Variants in SFMBT1 observed in about 807,000 individuals in gnomAD.
SFMBT1 encodes scm-like with four MBT domains protein 1.
A neutral mutation model predicts 108.7 loss-of-function variants in SFMBT1; 32 were observed. The observed-to-expected ratio is 0.29, with a 90% confidence interval of 0.22 to 0.40. The LOEUF (loss-of-function observed/expected upper bound fraction) is 0.40, where lower values mean the gene tolerates loss of function less well. SFMBT1 is among the 10% of genes least tolerant of loss of function. The pLI, the probability that SFMBT1 is intolerant of heterozygous loss-of-function variation, is 1.00. For missense variants in SFMBT1, 816 were observed against 1,059.6 expected, an observed-to-expected ratio of 0.77 and a Z score of 3.19; for synonymous variants, 348 against 369.5, an observed-to-expected ratio of 0.94 and a Z score of 0.67.
At chr3:52,928,655 C>T (rs13082017) in intron 8 of SFMBT1, among the ~76,000 whole-genome samples, 3,418 of 26,616 alleles carry the variant, frequency 0.13, 321 homozygotes, top group African/African-American at 0.26. Flanking sequence ...TATATATATA[C>T]ACATATATAC....
At chr3:53,041,729 A>AAAAAT (rs1700062491) in intron 1 of SFMBT1, among the ~76,000 whole-genome samples, 1 of 144,474 alleles carries the variant, frequency 6.9e-6, no homozygotes, top group Admixed American at 7.0e-5. Context: ...AAAAAAAAAA[A>AAAAAT]AATTCTTTTC....
chr3:53,023,957 G>A (rs776636790), intron 1 of SFMBT1, among the ~76,000 whole-genome samples: 1 of 152,142 alleles, frequency 6.6e-6, no homozygotes, highest in Non-Finnish European at 1.5e-5. Flanking sequence ...AATTCTTAGT[G>A]AGCAACTACT....
chr3:53,013,407 G>C (rs1042465312), intron 1 of SFMBT1, among the ~76,000 whole-genome samples: 1 of 151,558 alleles, frequency 6.6e-6, no homozygotes, highest in Non-Finnish European at 1.5e-5. Context: ...GTATGGCTAA[G>C]TTGTTCAAAA....
intron 2 of SFMBT1, among the ~76,000 whole-genome samples, chr3:52,955,891 AAAC>A (rs1434602642): frequency 2.0e-5 from 3 of 152,300 alleles, no homozygotes; most frequent in South Asian, 2.1e-4. Context: ...CCTGTCAGAG[AAAC>A]AACAACAAAA....
At chr3:52,934,459 G>C (rs1368320243) in intron 5 of SFMBT1, among the ~76,000 whole-genome samples, 2 of 151,890 alleles carry the variant, frequency 1.3e-5, no homozygotes, top group African/African-American at 2.4e-5. Context: ...GGGTGGGTTG[G>C]GGGGACTCCA....
rs114055710 is a variant in SFMBT1 at position 52,989,878 on chromosome 3, G to A, written c.-130-20620C>T. On this transcript the variant is annotated intron_variant, in intron 1 of 20. Coordinates refer to ENST00000394752, the MANE Select transcript of SFMBT1 (RefSeq NM_016329.4). ...GGACAAAACTATCATTGAAACAGAC[G>A]TCTGAAGTCATCCAAACAGGCCGAC... Among the ~76,000 whole-genome samples, 415 of 152,060 alleles carry A rather than the reference G, an allele frequency of 2.7e-3. 1 individual carries two copies. Among genetic ancestry groups the A allele is most frequent in the African/African-American group, 9.2e-3 (383 of 41,486 alleles).
chr3:52,972,958 G>A (rs1704400516), intron 1 of SFMBT1, among the ~76,000 whole-genome samples: 1 of 152,084 alleles, frequency 6.6e-6, no homozygotes, highest in Non-Finnish European at 1.5e-5. Flanking sequence ...GGAGGCTGAG[G>A]CTGCAGAGAG....
Position 52,912,524 on chromosome 3 carries a change from A to T in SFMBT1, c.1730+14T>A. 6.2e-7 allele frequency: 1 copy of T among 1,602,254 alleles called. No homozygotes were observed. On this transcript the variant is annotated intron_variant, in intron 16 of 20. Coordinates refer to ENST00000394752, the MANE Select transcript of SFMBT1 (RefSeq NM_016329.4). ...CAAGTAAAAGTAAAGAGTAAAAACAAGTAGTCCACTCACTTGGCTTTTAGG... is the reference window on the plus strand; with the variant it reads ...CAAGTAAAAGTAAAGAGTAAAAACATGTAGTCCACTCACTTGGCTTTTAGG...
intron 1 of SFMBT1, among the ~76,000 whole-genome samples, chr3:53,012,504 G>A (rs897703839): frequency 1.3e-5 from 2 of 151,736 alleles, no homozygotes; most frequent in Admixed American, 6.6e-5. Flanking sequence ...CCGGATTCAC[G>A]CCATTCTCCT....
intron 1 of SFMBT1, among the ~76,000 whole-genome samples, chr3:52,990,292 C>T (rs990981448): frequency 1.1e-4 from 17 of 152,166 alleles, no homozygotes; most frequent in Non-Finnish European, 2.2e-4. Context: ...GACAACTCGA[C>T]TCAGTTGTCT....
At position 52,907,549 on chromosome 3, in the gene SFMBT1, T is replaced by C; in HGVS notation, c.2085+6A>G. ...AGACATTACAGGCACATCACAGATC[T>C]CATACCTGGGGAGAGCCCGCTGGGG... On this transcript the variant is annotated splice_donor_region_variant and intron_variant, in intron 18 of 20. Transcript: ENST00000394752. 3.7e-6 allele frequency: 6 copies of C among 1,611,186 alleles called. No individual in the cohort carries two copies. Among genetic ancestry groups the C allele is most frequent in the Non-Finnish European group, 5.1e-6 (6 of 1,178,700 alleles).
intron 6 of SFMBT1, among the ~76,000 whole-genome samples, chr3:52,931,567 C>T (rs1165856398): frequency 1.3e-5 from 2 of 152,044 alleles, no homozygotes; most frequent in African/African-American, 2.4e-5. Context: ...TGGCCAGGTA[C>T]GGTGTCTCAC....
chr3:52,920,522 G>A lies in SFMBT1; in HGVS notation c.1372+15C>T. On this transcript the variant is annotated intron_variant, in intron 12 of 20. Coordinates refer to ENST00000394752, the MANE Select transcript of SFMBT1 (RefSeq NM_016329.4). ...ATTTAACAATCAATCCTCTAACCCA[G>A]AAATAGACAGATACCTCGTGCTCGG... The A allele has an allele frequency of 6.3e-7, 1 of 1,575,510 alleles. No individual in the cohort carries two copies. The highest frequency in any genetic ancestry group is 8.6e-7 in the Non-Finnish European group (1 of 1,161,702).
chr3:52,930,505 A>G, intron 7 of SFMBT1, 75 bp from the exon 8 acceptor site: 1 of 849,878 alleles, frequency 1.2e-6, no homozygotes. Context: ...AGCTGTGATT[A>G]ACAGAAATGT....
intron 5 of SFMBT1, among the ~76,000 whole-genome samples, chr3:52,934,098 C>T (rs574806069): frequency 1.3e-5 from 2 of 152,194 alleles, no homozygotes; most frequent in South Asian, 4.1e-4. Context: ...AAAAAACATA[C>T]TCAACATCAA....
At chr3:52,977,811 T>A (rs1384064433) in intron 1 of SFMBT1, among the ~76,000 whole-genome samples, 1 of 152,220 alleles carries the variant, frequency 6.6e-6, no homozygotes, top group East Asian at 1.9e-4. Context: ...AACAGGAAAG[T>A]GAGATTCAGG....
At chr3:52,932,730 GT>G (rs1230055030) in intron 5 of SFMBT1, among the ~76,000 whole-genome samples, 2 of 151,962 alleles carry the variant, frequency 1.3e-5, no homozygotes, top group Admixed American at 1.3e-4. Flanking sequence ...GGCCAACATG[GT>G]GAAACCCCGT....
At chr3:52,944,060 C>T (rs1008953803) in intron 3 of SFMBT1, among the ~76,000 whole-genome samples, 2 of 152,120 alleles carry the variant, frequency 1.3e-5, no homozygotes, top group Non-Finnish European at 2.9e-5. Context: ...ATGTTTCCAC[C>T]AATTACTCTT....
At chr3:52,914,697 T>C (rs573005547) in intron 14 of SFMBT1, among the ~76,000 whole-genome samples, 3 of 152,252 alleles carry the variant, frequency 2.0e-5, no homozygotes, top group South Asian at 4.2e-4. Flanking sequence ...TGAGCTGATA[T>C]CACTGCACTG....
Sources: allele counts gnomAD v4.1 joint callset (sites outside exome capture counted in the v4.1 genomes callset), GRCh38; gene constraint gnomAD v4.1.1; transcripts MANE v1.5; gene names NCBI Gene and HGNC (gene_info 2026-07-23, HGNC 2026-07-21).